CGRRF1: variants seen among roughly 807,000 people sequenced by gnomAD.
CGRRF1 encodes the protein cell growth regulator with RING finger domain protein 1.
In CGRRF1, 32 loss-of-function variants were observed where a neutral mutation model predicts 37.2. The observed-to-expected ratio is 0.86, with a 90% CI of 0.65 to 1.16. The LOEUF (loss-of-function observed/expected upper bound fraction) is 1.16, where lower values mean the gene tolerates loss of function less well. CGRRF1 is among the 50% of genes most tolerant of loss of function. The probability of loss-of-function intolerance (pLI) is 0.00; values close to 1 mark genes in which losing one functional copy is unlikely to be tolerated. For missense variants in CGRRF1, 391 were observed against 382.6 expected (o/e 1.02, Z -0.18); for synonymous variants, 141 against 140.3 (o/e 1.00, Z -0.04).
chr14:54,531,904 A>G (rs1196299620), intron 4 of CGRRF1, among the ~76,000 whole-genome samples: 1 of 152,224 alleles, frequency 6.6e-6, no homozygotes, highest in Non-Finnish European at 1.5e-5. Context: ...AGTATTTAAT[A>G]TAGATTATTC....
intron 1 of CGRRF1, among the ~76,000 whole-genome samples, chr14:54,522,066 T>C (rs2032326363): frequency 6.6e-6 from 1 of 152,194 alleles, no homozygotes. Flanking sequence ...GATGCTTAAG[T>C]CCCTTATATA....
chr14:54,510,379 G>C (rs2032110151), intron 1 of CGRRF1: 1 of 381,124 alleles, frequency 2.6e-6, no homozygotes, highest in Admixed American at 4.5e-5. Flanking sequence ...TTGGTGTTGG[G>C]AGAAAGTGCT....
At chr14:54,520,118 A>T (rs542628878) in intron 1 of CGRRF1, among the ~76,000 whole-genome samples, 1 of 151,738 alleles carries the variant, frequency 6.6e-6, no homozygotes, top group Non-Finnish European at 1.5e-5. Context: ...TTATTTATTT[A>T]TTTTTTTTGA....
At chr14:54,524,963 C>T (rs2032388538) in intron 2 of CGRRF1, among the ~76,000 whole-genome samples, 2 of 152,104 alleles carry the variant, frequency 1.3e-5, no homozygotes, top group Admixed American at 1.3e-4. Flanking sequence ...GGGAGGATTG[C>T]TTGAGTCCAG....
intron 4 of CGRRF1, 96 bp from the exon 5 acceptor site, chr14:54,537,626 A>G (rs2032620372): frequency 8.2e-7 from 1 of 1,217,560 alleles, no homozygotes; most frequent in Non-Finnish European, 1.1e-6. Context: ...TTTTGGCAGA[A>G]GACAGTGTCT....
intron 2 of CGRRF1, among the ~76,000 whole-genome samples, chr14:54,525,770 G>A (rs2032401203): frequency 6.6e-6 from 1 of 152,134 alleles, no homozygotes; most frequent in South Asian, 2.1e-4. Context: ...TAGCAGAAGA[G>A]GGTGAATAAT....
chr14:54,522,404 A>G (rs1333707339), intron 1 of CGRRF1, 50 bp from the exon 2 acceptor site: 4 of 1,316,868 alleles, frequency 3.0e-6, no homozygotes, highest in East Asian at 2.6e-5. Context: ...CACATAACAT[A>G]AAGTTTCAAC....
At chr14:54,518,514 C>T (rs1172362251) in intron 1 of CGRRF1, among the ~76,000 whole-genome samples, 1 of 149,080 alleles carries the variant, frequency 6.7e-6, no homozygotes, top group Non-Finnish European at 1.5e-5. Context: ...CATGCCATTG[C>T]AGTCCAGCCT....
chr14:54,522,871 A>T (rs1240114284), intron 2 of CGRRF1, among the ~76,000 whole-genome samples: 1 of 152,230 alleles, frequency 6.6e-6, no homozygotes, highest in Non-Finnish European at 1.5e-5. Context: ...GTCTCTTAGG[A>T]CACTATGCCA....
Position 54,522,442 on chromosome 14 carries a change from A to T in CGRRF1, c.105-12A>T, listed in dbSNP as rs562029606. On this transcript the variant is annotated splice_polypyrimidine_tract_variant and intron_variant, in intron 1 of 5. Transcript: ENST00000216420. The stretch of plus-strand genomic sequence containing the variant: ...TTGTTAAAATAATATTTTATTTTTT[A>T]CCTTTTTTTAGGTTTGGTTGGGATG... 6.6e-7 allele frequency: 1 copy of T among 1,508,814 alleles called. No homozygotes were observed. Among genetic ancestry groups the T allele is most frequent in the Non-Finnish European group, 8.9e-7 (1 of 1,126,840 alleles). The allele number at this position is 1,508,814 out of a possible 1,614,324, so 93.5% of individuals were successfully genotyped here.
At chr14:54,514,737 T>C (rs2032187986) in intron 1 of CGRRF1, among the ~76,000 whole-genome samples, 1 of 152,228 alleles carries the variant, frequency 6.6e-6, no homozygotes, top group Non-Finnish European at 1.5e-5. Flanking sequence ...AAATGTTGAG[T>C]GCCTTCTAAT....
At chr14:54,525,617 AG>A (rs1307904805) in intron 2 of CGRRF1, among the ~76,000 whole-genome samples, 1 of 152,354 alleles carries the variant, frequency 6.6e-6, no homozygotes, top group East Asian at 1.9e-4. Context: ...ACTGTGGAAA[AG>A]TGGGTATCAT....
At position 54,538,395 on chromosome 14, in the gene CGRRF1, C is replaced by T. The variant is rs376980960; in HGVS notation, c.*12C>T. ...CGAAGACTCTTTGAAGACATCGTAA[C>T]ACTGAAAAGTACACTTTCTACTAAA... On this transcript the variant is annotated 3_prime_UTR_variant, in exon 6 of 6. Coordinates refer to ENST00000216420, the MANE Select transcript of CGRRF1 (RefSeq NM_006568.3). 1.1e-5 allele frequency: 17 copies of T among 1,572,386 alleles called. No homozygotes were observed. The highest frequency in any genetic ancestry group is 1.8e-5 in the Admixed American group (1 of 56,324).
At chr14:54,510,697 C>T (rs1249494521) in intron 1 of CGRRF1, among the ~76,000 whole-genome samples, 2 of 152,134 alleles carry the variant, frequency 1.3e-5, no homozygotes, top group South Asian at 2.1e-4. Context: ...GGACAGTTGC[C>T]TATTGGAGAC....
intron 4 of CGRRF1, among the ~76,000 whole-genome samples, chr14:54,533,224 G>A (rs1416456509): frequency 6.6e-6 from 1 of 152,020 alleles, no homozygotes; most frequent in Non-Finnish European, 1.5e-5. Flanking sequence ...TTTCAGTTCA[G>A]TGGCCTTTTA....
chr14:54,522,402 A>G, intron 1 of CGRRF1, 52 bp from the exon 2 acceptor site: 1 of 1,307,720 alleles, frequency 7.6e-7, no homozygotes, highest in Non-Finnish European at 1.0e-6. Flanking sequence ...TACACATAAC[A>G]TAAAGTTTCA....
At chr14:54,528,172 A>G (rs1050267555) in intron 2 of CGRRF1, among the ~76,000 whole-genome samples, 2 of 149,914 alleles carry the variant, frequency 1.3e-5, no homozygotes, top group African/African-American at 4.9e-5. Flanking sequence ...TCATTTCATA[A>G]TAGTGTGTGC....
intron 1 of CGRRF1, among the ~76,000 whole-genome samples, chr14:54,521,857 A>G (rs2032322444): frequency 6.6e-6 from 1 of 152,210 alleles, no homozygotes; most frequent in African/African-American, 2.4e-5. Context: ...AAAAAAATTC[A>G]ATAAGTTCAT....
At chr14:54,535,738 G>A (rs1408569950) in intron 4 of CGRRF1, among the ~76,000 whole-genome samples, 2 of 151,966 alleles carry the variant, frequency 1.3e-5, no homozygotes, top group African/African-American at 4.8e-5. Context: ...TACTGTGATG[G>A]TTGCAAAATT....
Sources: gnomAD v4.1 joint callset for allele counts (sites outside exome capture counted in the v4.1 genomes callset) on GRCh38, gnomAD v4.1.1 for gene constraint, MANE v1.5 for transcripts, NCBI Gene and HGNC (gene_info 2026-07-23, HGNC 2026-07-21) for gene names.